Variants in DNAH7 observed in about 807,000 individuals in gnomAD.
The protein encoded by DNAH7 is axonemal beta dynein heavy chain 7.
In DNAH7, 397 loss-of-function variants were observed where a neutral mutation model predicts 444.6. The observed-to-expected ratio is 0.89, with a 90% CI of 0.82 to 0.97. The LOEUF (loss-of-function observed/expected upper bound fraction) is 0.97, where lower values mean the gene tolerates loss of function less well. Among genes scored for constraint, DNAH7 ranks in the 50% least tolerant of loss-of-function variants. The pLI, the probability that DNAH7 is intolerant of heterozygous loss-of-function variation, is 0.00. For synonymous variants in DNAH7, 1,636 were observed against 1,624.4 expected (o/e 1.01, Z -0.17); for missense variants, 4,902 against 4,800.8 (o/e 1.02, Z -0.62).
Position 196,047,504 on chromosome 2 carries a change from A to C in DNAH7, c.251-5T>G. 6.5e-7 allele frequency: 1 copy of C among 1,543,014 alleles called. No individual in the cohort carries two copies. Among genetic ancestry groups the C allele is most frequent in the East Asian group, 2.3e-5 (1 of 43,374 alleles). ...CAAAACGTTCCATGTATTCAGCTTA[A>C]ATTAAAACAAAAAAAAAAGCACAAT... is the stretch of plus-strand genomic sequence containing the variant. On this transcript the variant is annotated splice_region_variant and splice_polypyrimidine_tract_variant and intron_variant, in intron 4 of 64. Coordinates refer to ENST00000312428, the MANE Select transcript of DNAH7 (RefSeq NM_018897.3).
intron 63 of DNAH7, among the ~76,000 whole-genome samples, chr2:195,748,475 GA>G (rs1237512026): frequency 6.6e-6 from 1 of 152,038 alleles, no homozygotes; most frequent in East Asian, 1.9e-4. Flanking sequence ...CACAGAATTG[GA>G]AAAAACTACT....
intron 1 of DNAH7, among the ~76,000 whole-genome samples, chr2:196,065,409 T>C (rs1029016859): frequency 6.6e-6 from 1 of 152,154 alleles, no homozygotes; most frequent in Non-Finnish European, 1.5e-5. Flanking sequence ...ATCCAACTGA[T>C]TTATGGACAG....
chr2:195,832,740 C>T (rs1254789051), intron 48 of DNAH7, among the ~76,000 whole-genome samples: 1 of 152,152 alleles, frequency 6.6e-6, no homozygotes, highest in Admixed American at 6.6e-5. Context: ...CTGTGTCCAG[C>T]CTACTTAAAG....
chr2:195,884,326 A>G (rs1396558066), intron 35 of DNAH7, among the ~76,000 whole-genome samples: 1 of 152,222 alleles, frequency 6.6e-6, no homozygotes, highest in African/African-American at 2.4e-5. Flanking sequence ...TCCATTAGAT[A>G]TTATTATCTC....
intron 63 of DNAH7, among the ~76,000 whole-genome samples, chr2:195,750,753 G>T (rs1008766421): frequency 6.6e-6 from 1 of 152,172 alleles, no homozygotes; most frequent in Non-Finnish European, 1.5e-5. Flanking sequence ...GTATTGTGAG[G>T]ATTCAGTGTA....
intron 60 of DNAH7, among the ~76,000 whole-genome samples, chr2:195,772,322 G>T (rs1694878829): frequency 6.6e-6 from 1 of 152,100 alleles, no homozygotes; most frequent in Non-Finnish European, 1.5e-5. Flanking sequence ...CAATAACTCT[G>T]GTGTCTACTG....
At chr2:195,985,583 G>A (rs909497220) in intron 14 of DNAH7, among the ~76,000 whole-genome samples, 1 of 152,078 alleles carries the variant, frequency 6.6e-6, no homozygotes, top group African/African-American at 2.4e-5. Flanking sequence ...GGCAAGAAGT[G>A]GAAGGCATTC....
At chr2:195,862,775 C>T (rs142314861) in intron 41 of DNAH7, among the ~76,000 whole-genome samples, 16 of 152,284 alleles carry the variant, frequency 1.1e-4, no homozygotes, top group African/African-American at 3.9e-4. Flanking sequence ...AAAGTATTTA[C>T]CTGTAATCCC....
rs189012600 is a variant in DNAH7, at chr2:195,799,258, T to A, written c.10353+38A>T. On this transcript the variant is annotated intron_variant, in intron 55 of 64. Transcript: ENST00000312428. ...CAATTATAAGCAAGTATTGCTTTTTTAAAATAATATCCGATAACTTCATCT... is the reference window on the plus strand; with the variant it reads ...CAATTATAAGCAAGTATTGCTTTTTAAAAATAATATCCGATAACTTCATCT... 6.8e-4 allele frequency: 979 copies of A among 1,435,450 alleles called. 4 individuals are homozygous for A. In the African/African-American group the frequency reaches 0.013, roughly 19 times the overall value. 88.9% of individuals were successfully genotyped at this position (1,435,450 alleles called of 1,614,324 possible). A position where few individuals can be genotyped will look rare whatever the true frequency, so the allele number is the denominator to read the frequency against.
In DNAH7 at chr2:195,957,810, T is replaced by C. The variant is rs1574881148; in HGVS notation, c.2892-363A>G. ...ATATACACGTTAAGATATACTTATCTACTATTGGGCTGGTTTCTGTATATG... is the reference window on the plus strand; with the variant it reads ...ATATACACGTTAAGATATACTTATCCACTATTGGGCTGGTTTCTGTATATG... On this transcript the variant is annotated intron_variant, in intron 18 of 64. Transcript: ENST00000312428. 2.6e-5 allele frequency among the ~76,000 whole-genome samples: 4 copies of C among 152,266 alleles called. No individual in the cohort carries two copies. In the South Asian group the frequency reaches 8.3e-4, roughly 32 times the overall value.
intron 63 of DNAH7, among the ~76,000 whole-genome samples, chr2:195,750,163 G>A (rs559638948): frequency 6.6e-6 from 1 of 152,008 alleles, no homozygotes; most frequent in Admixed American, 6.6e-5. Context: ...TTACTCCACT[G>A]TTTTCAAGAT....
intron 61 of DNAH7, among the ~76,000 whole-genome samples, chr2:195,765,355 A>G (rs1694522447): frequency 6.6e-6 from 1 of 152,202 alleles, no homozygotes; most frequent in Admixed American, 6.5e-5. Context: ...GGCACAGACA[A>G]ACAAAGCAAA....
chr2:195,781,480 G>T (rs1695370615), intron 58 of DNAH7, among the ~76,000 whole-genome samples: 1 of 152,106 alleles, frequency 6.6e-6, no homozygotes, highest in South Asian at 2.1e-4. Flanking sequence ...GGGTGGGTGG[G>T]TTGGTGGGCA....
At chr2:195,744,311 A>AG (rs936725312) in intron 63 of DNAH7, among the ~76,000 whole-genome samples, 126 of 152,176 alleles carry the variant, frequency 8.3e-4, no homozygotes, top group African/African-American at 2.7e-3. Flanking sequence ...AGGCTGGGGG[A>AG]GGGGCGCCCG....
chr2:195,988,951 T>G (rs1446716532), intron 12 of DNAH7, among the ~76,000 whole-genome samples: 2 of 152,194 alleles, frequency 1.3e-5, no homozygotes, highest in Non-Finnish European at 2.9e-5. Context: ...TGTCTTTCTG[T>G]GTGGCTTATT....
chr2:195,895,214 G>T lies in DNAH7; in HGVS notation c.4658C>A (p.Ser1553Ter). 6.2e-7 allele frequency: 1 copy of T among 1,603,226 alleles called. No individual in the cohort carries two copies. The highest frequency in any genetic ancestry group is 8.5e-7 in the Non-Finnish European group (1 of 1,171,978). Residue 1553 changes from serine (S) to a stop codon, truncating the protein, a stop_gained, in exon 30 of 65, where the codon TCG (serine) becomes TAG (stop). Transcript: ENST00000312428. LOFTEE classifies it high-confidence loss of function. ...TAATTTTACCCCAGGAAACAAATCC[G>T]AAGTAATTCCCTGATGATAGATGAT... ...HDLPLFEGIT[S>*]DLFPGVKLPK...
intron 22 of DNAH7, among the ~76,000 whole-genome samples, chr2:195,924,812 A>G (rs1574785952): frequency 6.6e-6 from 1 of 152,328 alleles, no homozygotes; most frequent in South Asian, 2.1e-4. Flanking sequence ...AGTTCTGAAG[A>G]CCAGGCTTGC....
chr2:195,876,702 A>G lies in DNAH7; in HGVS notation c.5962-3T>C. 2.0e-6 allele frequency: 3 copies of G among 1,529,866 alleles called. No individual in the cohort carries two copies. Among genetic ancestry groups the G allele is most frequent in the Non-Finnish European group, 2.7e-6 (3 of 1,114,722 alleles). The allele number at this position is 1,529,866 out of a possible 1,614,324, so 94.8% of individuals were successfully genotyped here. A position where few individuals can be genotyped will look rare whatever the true frequency, so the allele number is the denominator to read the frequency against. ...TTTAGTTGATTTAAAAGAAAATTCT[A>G]TATAACAAAATAATAAAATGAGCCA... On this transcript the variant is annotated splice_polypyrimidine_tract_variant and splice_region_variant and intron_variant, in intron 36 of 64. Transcript: ENST00000312428.
intron 35 of DNAH7, among the ~76,000 whole-genome samples, chr2:195,883,451 T>TCC (rs778869268): frequency 0.02 from 2,417 of 120,416 alleles, 92 homozygotes; most frequent in African/African-American, 0.074. Flanking sequence ...CAGTCCCCGC[T>TCC]CCCCCCCCCC....
Sources: allele counts gnomAD v4.1 joint callset (sites outside exome capture counted in the v4.1 genomes callset), GRCh38; gene constraint gnomAD v4.1.1; transcripts MANE v1.5; gene names NCBI Gene and HGNC (gene_info 2026-07-23, HGNC 2026-07-21).